Variants in BRPF3 observed in about 807,000 individuals in gnomAD.
BRPF3 encodes bromodomain and PHD finger containing 3, also known as bromodomain and PHD finger-containing protein 3.
Under a neutral mutation model 102.0 loss-of-function variants are expected in BRPF3, and 18 were observed. That is an observed-to-expected ratio of 0.18 (90% CI 0.12 to 0.26). The LOEUF (loss-of-function observed/expected upper bound fraction) is 0.26. BRPF3 is among the 10% of genes least tolerant of loss of function. The probability of loss-of-function intolerance (pLI) is 1.00; values close to 1 mark genes in which losing one functional copy is unlikely to be tolerated. For synonymous variants in BRPF3, 570 were observed against 614.2 expected (o/e 0.93, Z 1.06); for missense variants, 1,147 against 1,567.8 (o/e 0.73, Z 4.53).
At position 36,230,709 on chromosome 6, in the gene BRPF3, C is replaced by T. The variant is rs551915087; in HGVS notation, c.*100C>T. The T allele has an allele frequency of 1.4e-6, 2 of 1,397,160 alleles. No individual in the cohort carries two copies. Among genetic ancestry groups the T allele is most frequent in the East Asian group, 2.5e-5 (1 of 40,476 alleles). The allele number at this position is 1,397,160 out of a possible 1,614,324, so 86.5% of individuals were successfully genotyped here. On this transcript the variant is annotated 3_prime_UTR_variant, in exon 13 of 13. Transcript: ENST00000357641. This position sits in a 1 kb window ranked among gnomAD's most constrained non-coding sequence, Gnocchi z 5.4. The stretch of plus-strand genomic sequence containing the variant: ...CAGATGTATGGCCGGCAGCTTCCCC[C>T]TCTCATGGTAGGCCAGGGACTGGGC...
At chr6:36,226,885 C>G (rs35293894) in intron 11 of BRPF3, among the ~76,000 whole-genome samples, 2 of 152,276 alleles carry the variant, frequency 1.3e-5, no homozygotes, top group African/African-American at 4.8e-5. Flanking sequence ...TCACAGGGCT[C>G]TCTGCCCTGC....
chr6:36,227,303 G>A (rs1768775240), intron 11 of BRPF3, among the ~76,000 whole-genome samples: 1 of 151,720 alleles, frequency 6.6e-6, no homozygotes, highest in African/African-American at 2.4e-5. Context: ...GAAAAATAGA[G>A]GCGAAAAAAC....
At chr6:36,219,099 A>G (rs1238331165) in intron 9 of BRPF3, among the ~76,000 whole-genome samples, 1 of 152,030 alleles carries the variant, frequency 6.6e-6, no homozygotes, top group African/African-American at 2.4e-5. Context: ...CCAGAAGACT[A>G]TTTGTGTTTG....
Position 36,222,182 on chromosome 6 carries a change from C to G in BRPF3, c.3098C>G (p.Pro1033Arg), listed in dbSNP as rs376859078. Reference sequence around the variant, plus strand: ...TCTGTGTGCAGTGGTCTGACGCCCCCCAAACGCAGCCGTGGGAAGCCAGCC... The same window carrying G: ...TCTGTGTGCAGTGGTCTGACGCCCCGCAAACGCAGCCGTGGGAAGCCAGCC... ...AFEACSGLTPPKRSRGKPALS... is the reference protein window; with the variant it reads ...AFEACSGLTPRKRSRGKPALS... Residue 1033 changes from proline (P) to arginine (R), a missense_variant, in exon 10 of 13, where the codon CCC becomes CGC. This residue lies in a region of BRPF3 where 379 missense variants were observed against 426.3 expected (regional missense o/e 0.89). Coordinates refer to ENST00000357641, the MANE Select transcript of BRPF3 (RefSeq NM_015695.3). 6.5e-6 allele frequency: 10 copies of G among 1,550,342 alleles called. No homozygotes were observed. In the East Asian group the frequency reaches 7.3e-5, roughly 11 times the overall value.
At chr6:36,221,327 G>A (rs898266317) in intron 9 of BRPF3, among the ~76,000 whole-genome samples, 8 of 124,324 alleles carry the variant, frequency 6.4e-5, no homozygotes, top group East Asian at 2.3e-4. Flanking sequence ...TTGCTCTGTC[G>A]CCAGGCTGGA....
chr6:36,209,123 C>T (rs1195590074), intron 4 of BRPF3, among the ~76,000 whole-genome samples: 2 of 152,230 alleles, frequency 1.3e-5, no homozygotes, highest in African/African-American at 4.8e-5. Flanking sequence ...CATGCTGTCT[C>T]TAAACCTCAG....
intron 2 of BRPF3, among the ~76,000 whole-genome samples, chr6:36,204,216 AC>A: frequency 6.6e-6 from 1 of 152,112 alleles, no homozygotes; most frequent in East Asian, 1.9e-4. Context: ...GTTGTGGGCT[AC>A]CCCCTGGTTT....
At chr6:36,211,709 A>G in intron 7 of BRPF3, 149 bp downstream of exon 7, 1 of 858,200 alleles carries the variant, frequency 1.2e-6, no homozygotes, top group Non-Finnish European at 1.8e-6. Context: ...ACTTCCATGT[A>G]TACGCAGGGA....
Position 36,214,275 on chromosome 6 carries a change from C to T in BRPF3, c.2878C>T (p.Pro960Ser), listed in dbSNP as rs1768245357. 1 of 1,614,052 alleles carries T rather than the reference C, an allele frequency of 6.2e-7. No individual in the cohort carries two copies. Among genetic ancestry groups the T allele is most frequent in the Non-Finnish European group, 8.5e-7 (1 of 1,180,050 alleles). ...NGEDHGVAGSPASPASIEEER... is the reference protein window; with the variant it reads ...NGEDHGVAGSSASPASIEEER... ...CGAGGACCATGGTGTGGCAGGCTCT[C>T]CTGCCTCTCCAGCCAGCATCGAGGA... Residue 960 changes from proline to serine, a missense_variant, in exon 8 of 13, where the codon CCT becomes TCT. By Grantham distance (74) the Pro-to-Ser change is moderately conservative. Coordinates refer to ENST00000357641, the MANE Select transcript of BRPF3 (RefSeq NM_015695.3).
At position 36,225,381 on chromosome 6, in the gene BRPF3, C is replaced by A; in HGVS notation, c.3279+17C>A. On this transcript the variant is annotated intron_variant, in intron 11 of 12. Transcript: ENST00000357641. ...CCTGCCTTGGTGAGTCTGCCCCAGA[C>A]GCCACCCTCCTATCTCCCCTGCCTT... The A allele has an allele frequency of 6.2e-7, 1 of 1,601,984 alleles. No individual in the cohort carries two copies. The highest frequency in any genetic ancestry group is 8.5e-7 in the Non-Finnish European group (1 of 1,174,974).
At position 36,200,865 on chromosome 6, in the gene BRPF3, A is replaced by G. The variant is rs757415182; in HGVS notation, c.543A>G (p.Ala181=). 1.9e-6 allele frequency: 3 copies of G among 1,614,198 alleles called. No homozygotes were observed. Among genetic ancestry groups the G allele is most frequent in the Non-Finnish European group, 2.5e-6 (3 of 1,180,018 alleles). ...TAGATGGGCACAGTTTGGTGTCTGC[A>G]GATACCTTTGAGCTGCTGGTAGACC... ...RRVDGHSLVS[A]DTFELLVDRL... is the part of the protein sequence containing the mutation. Residue 181 remains alanine, a synonymous_variant, in exon 2 of 13, where the codon GCA becomes GCG. Transcript: ENST00000357641. This position sits in a 1 kb window ranked among gnomAD's most constrained non-coding sequence, Gnocchi z 5.3.
At chr6:36,219,997 C>G (rs749485960) in intron 9 of BRPF3, among the ~76,000 whole-genome samples, 58 of 152,304 alleles carry the variant, frequency 3.8e-4, no homozygotes, top group South Asian at 2.1e-3. Context: ...AGGTACTGTT[C>G]TAAGCACTAA....
intron 1 of BRPF3, among the ~76,000 whole-genome samples, chr6:36,199,627 C>T (rs926508773): frequency 3.3e-5 from 5 of 152,234 alleles, no homozygotes; most frequent in Admixed American, 2.0e-4. Context: ...CAGAGCTTGA[C>T]AGTGGATGCT....
chr6:36,224,467 C>T (rs1474931699), intron 10 of BRPF3, among the ~76,000 whole-genome samples: 4 of 152,210 alleles, frequency 2.6e-5, no homozygotes, highest in Non-Finnish European at 4.4e-5. Context: ...TACCCAGTCT[C>T]ATTTCTGACA....
chr6:36,210,360 A>G lies in BRPF3; in HGVS notation c.2011A>G (p.Lys671Glu). 5 of 1,614,218 alleles carry G rather than the reference A, an allele frequency of 3.1e-6. No individual in the cohort carries two copies. The highest frequency in any genetic ancestry group is 4.2e-6 in the Non-Finnish European group (5 of 1,180,034). ...IVTNCMKYNA[K>E]DTIFHRAAVR... Reference sequence around the variant, plus strand: ...TACCAACTGCATGAAGTATAATGCTAAAGACACAATTTTCCACCGAGCAGC... The same window carrying G: ...TACCAACTGCATGAAGTATAATGCTGAAGACACAATTTTCCACCGAGCAGC... The change falls in exon 6 of 13, where the codon AAA (lysine) becomes GAA (glutamate). Residue 671 changes from lysine to glutamate, a missense_variant. This residue lies in a region of BRPF3 where 109 missense variants were observed against 175.1 expected (regional missense o/e 0.62). Coordinates refer to ENST00000357641, the MANE Select transcript of BRPF3 (RefSeq NM_015695.3). The surrounding 1 kb of genome is among the most constrained non-coding windows in gnomAD (Gnocchi z 4.7).
intron 9 of BRPF3, among the ~76,000 whole-genome samples, chr6:36,219,765 A>T (rs1316193346): frequency 2.0e-5 from 3 of 152,238 alleles, no homozygotes; most frequent in Non-Finnish European, 4.4e-5. Flanking sequence ...TACTGTGGTA[A>T]TAAGTATATA....
In BRPF3 at chr6:36,200,774, A is replaced by G; in HGVS notation, c.452A>G (p.Glu151Gly). The G allele has an allele frequency of 6.2e-7, 1 of 1,614,172 alleles. No individual in the cohort carries two copies. The highest frequency in any genetic ancestry group is 8.5e-7 in the Non-Finnish European group (1 of 1,180,024). Residue 151 changes from glutamate to glycine, a missense_variant, in exon 2 of 13, where the codon GAG becomes GGG. Glu to Gly is a moderately conservative substitution (Grantham distance 98). Around this residue, in one of 11 missense-constraint regions of BRPF3, gnomAD observed 221 missense variants for 337.1 expected, o/e 0.66. Coordinates refer to ENST00000357641, the MANE Select transcript of BRPF3 (RefSeq NM_015695.3). The surrounding 1 kb of genome is among the most constrained non-coding windows in gnomAD (Gnocchi z 5.3). ...AAGCCACCTGAAGACCTGGATGCAG[A>G]GGTAGAGTATGACATGGATGAGGAG... ...IEKPPEDLDA[E>G]VEYDMDEEDL...
rs9296178 is a variant in BRPF3 at position 36,230,039 on chromosome 6, C to T, written c.3435-387C>T. Among the ~76,000 whole-genome samples, 2,734 of 152,280 alleles carry T rather than the reference C, an allele frequency of 0.018. 70 individuals are homozygous for T. Among genetic ancestry groups the T allele is most frequent in the African/African-American group, 0.059 (2,457 of 41,540 alleles). On this transcript the variant is annotated intron_variant, in intron 12 of 12. Coordinates refer to ENST00000357641, the MANE Select transcript of BRPF3 (RefSeq NM_015695.3). This position sits in a 1 kb window ranked among gnomAD's most constrained non-coding sequence, Gnocchi z 5.4. ...AGTTTATCAGTTCCTGGCATCAGCT[C>T]TACTTCCTAGCCATCGCCCCCTAAT... is the stretch of plus-strand genomic sequence containing the variant.
intron 7 of BRPF3, among the ~76,000 whole-genome samples, chr6:36,213,027 C>G (rs556619742): frequency 7.7e-4 from 117 of 152,098 alleles, no homozygotes; most frequent in Admixed American, 1.6e-3. Context: ...ATTTAACTTA[C>G]TTGGTCTCGT....
Sources: allele counts gnomAD v4.1 joint callset (sites outside exome capture counted in the v4.1 genomes callset), GRCh38; gene constraint gnomAD v4.1.1; regional missense constraint gnomAD v4.1.1; non-coding constraint Gnocchi (gnomAD v3.1); transcripts MANE v1.5; gene names NCBI Gene and HGNC (gene_info 2026-07-23, HGNC 2026-07-21).